Variants in IL5RA observed in about 807,000 individuals in gnomAD.
IL5RA encodes interleukin 5 receptor subunit alpha.
In IL5RA, 49 loss-of-function variants were observed where a neutral mutation model predicts 50.0. The observed-to-expected ratio is 0.98, with a 90% CI of 0.78 to 1.24. The LOEUF (loss-of-function observed/expected upper bound fraction) is 1.24. IL5RA is among the 50% of genes most tolerant of loss of function. The pLI is 0.00. For missense variants in IL5RA, 600 were observed against 500.4 expected (o/e 1.20, Z -1.90); for synonymous variants, 202 against 174.0 (o/e 1.16, Z -1.26).
intron 7 of IL5RA, among the ~76,000 whole-genome samples, chr3:3,095,721 C>G (rs1703330929): frequency 6.6e-6 from 1 of 151,782 alleles, no homozygotes; most frequent in Non-Finnish European, 1.5e-5. Context: ...TTCCCCCCCT[C>G]AGCTCATTGC....
intron 9 of IL5RA, among the ~76,000 whole-genome samples, chr3:3,086,127 G>A (rs1702850904): frequency 6.6e-6 from 1 of 152,180 alleles, no homozygotes; most frequent in Non-Finnish European, 1.5e-5. Context: ...ATTGTAGTCT[G>A]TCACAGAAGA....
intron 9 of IL5RA, among the ~76,000 whole-genome samples, chr3:3,085,093 C>A (rs372270931): frequency 4.6e-5 from 7 of 152,348 alleles, no homozygotes; most frequent in South Asian, 2.1e-4. Flanking sequence ...GTCCGCCCCC[C>A]CTGGTGGGAA....
rs773138961 is a variant in IL5RA at position 3,070,268 on chromosome 3, A to G, written c.1220T>C (p.Ile407Thr). The G allele has an allele frequency of 1.2e-5, 20 of 1,613,490 alleles. No homozygotes were observed. Among genetic ancestry groups the G allele is most frequent in the Middle Eastern group, 3.3e-4 (2 of 6,082 alleles). ...CAGGGTCTCAACTCCAGGCTTCTCTATATAACAGATGACTTCAATTTCCGT... is the reference window on the plus strand; with the variant it reads ...CAGGGTCTCAACTCCAGGCTTCTCTGTATAACAGATGACTTCAATTTCCGT... ...SETEIEVICYIEKPGVETLED... is the reference protein window; with the variant it reads ...SETEIEVICYTEKPGVETLED... The change falls in exon 12 of 12, where the codon ATA (isoleucine) becomes ACA (threonine). Residue 407 changes from isoleucine (I) to threonine (T), a missense_variant. By Grantham distance (89) the Ile-to-Thr change is moderately conservative (BLOSUM62 -1). Coordinates refer to ENST00000446632, the MANE Select transcript of IL5RA (RefSeq NM_175726.4).
chr3:3,083,519 C>T (rs1315100214), intron 9 of IL5RA, among the ~76,000 whole-genome samples: 1 of 152,162 alleles, frequency 6.6e-6, no homozygotes, highest in Non-Finnish European at 1.5e-5. Context: ...GCAATATCCC[C>T]CAGTAGGACT....
At chr3:3,076,447 C>T in intron 10 of IL5RA, 84 bp downstream of exon 10, 1 of 860,844 alleles carries the variant, frequency 1.2e-6, no homozygotes. Flanking sequence ...AATAAGAACC[C>T]TCTGCCTACC....
rs1703167607 is a variant in IL5RA, at chr3:3,092,436, G to A, written c.856-74C>T. Reference sequence around the variant, plus strand: ...GTTCTGCCGATTATCAGAATGGGAGGTCCTATATAGGTCATGTGACTCACT... The same window carrying A: ...GTTCTGCCGATTATCAGAATGGGAGATCCTATATAGGTCATGTGACTCACT... On this transcript the variant is annotated intron_variant, in intron 8 of 11. Transcript: ENST00000446632. This position sits in a 1 kb window ranked among gnomAD's most constrained non-coding sequence, Gnocchi z 4.2. 2 of 1,370,470 alleles carry A rather than the reference G, an allele frequency of 1.5e-6. No homozygotes were observed. Among genetic ancestry groups the A allele is most frequent in the East Asian group, 2.3e-5 (1 of 43,722 alleles). The allele number at this position is 1,370,470 out of a possible 1,614,324, so 84.9% of individuals were successfully genotyped here. A position where few individuals can be genotyped will look rare whatever the true frequency, so the allele number is the denominator to read the frequency against.
chr3:3,072,386 C>T (rs946414146), intron 11 of IL5RA, among the ~76,000 whole-genome samples: 7 of 152,296 alleles, frequency 4.6e-5, no homozygotes, highest in South Asian at 2.1e-4. Context: ...TGTGGAGTGC[C>T]GTCATTCATC....
chr3:3,074,990 G>C lies in IL5RA; in HGVS notation c.1092-124C>G, dbSNP rs928060433. 4.7e-6 allele frequency: 3 copies of C among 645,124 alleles called. No homozygotes were observed. The African/African-American group carries it at 5.5e-5, about 12-fold the overall frequency. 40.0% of individuals were successfully genotyped at this position (645,124 alleles called of 1,614,324 possible). A position where few individuals can be genotyped will look rare whatever the true frequency, so the allele number is the denominator to read the frequency against. On this transcript the variant is annotated intron_variant, in intron 10 of 11. Coordinates refer to ENST00000446632, the MANE Select transcript of IL5RA (RefSeq NM_175726.4). The stretch of plus-strand genomic sequence containing the variant: ...TGTTTTGTAAATTCAAAATCTTTAC[G>C]TACCAAGACTTCCAAAATTATAGGT...
chr3:3,078,744 C>A (rs1296731402), intron 9 of IL5RA, among the ~76,000 whole-genome samples: 1 of 150,224 alleles, frequency 6.7e-6, no homozygotes, highest in Non-Finnish European at 1.5e-5. Flanking sequence ...TGAGGCAGGA[C>A]AATTGCTTGA....
chr3:3,092,111 C>T lies in IL5RA; in HGVS notation c.994+113G>A, dbSNP rs1703141844. 6 of 1,493,454 alleles carry T rather than the reference C, an allele frequency of 4.0e-6. No homozygotes were observed. In the East Asian group the frequency reaches 9.2e-5, roughly 23 times the overall value. The allele number at this position is 1,493,454 out of a possible 1,614,324, so 92.5% of individuals were successfully genotyped here. Reference sequence around the variant, plus strand: ...CAGTAGACCGAGAGAAAATTAGTCACAATAGAGATATGAAACCATTTTAAG... The same window carrying T: ...CAGTAGACCGAGAGAAAATTAGTCATAATAGAGATATGAAACCATTTTAAG... On this transcript the variant is annotated intron_variant, in intron 9 of 11. Coordinates refer to ENST00000446632, the MANE Select transcript of IL5RA (RefSeq NM_175726.4). This position sits in a 1 kb window ranked among gnomAD's most constrained non-coding sequence, Gnocchi z 4.2.
intron 8 of IL5RA, among the ~76,000 whole-genome samples, chr3:3,094,781 G>A (rs1703276287): frequency 6.6e-6 from 1 of 152,044 alleles, no homozygotes; most frequent in East Asian, 1.9e-4. Context: ...GGAGTGCAGT[G>A]GCGCCATCTC....
rs1702165140 is a variant in IL5RA, at chr3:3,067,521, A to G, written c.*2704T>C. ...GGGAGGCCTCCCAGCTGTTAATGGT[A>G]TATTCTACAATGCAGTAGCTCTAAC... On this transcript the variant is annotated 3_prime_UTR_variant, in exon 12 of 12. Coordinates refer to ENST00000446632, the MANE Select transcript of IL5RA (RefSeq NM_175726.4). 1 of 152,252 alleles carries G rather than the reference A, an allele frequency of 6.6e-6. No homozygotes were observed. The highest frequency in any genetic ancestry group is 6.5e-5 in the Admixed American group (1 of 15,278). 9.4% of individuals were successfully genotyped at this position (152,252 alleles called of 1,614,324 possible).
In IL5RA at chr3:3,081,248, G is replaced by C. The variant is rs559319617; in HGVS notation, c.995-4621C>G. Reference sequence around the variant, plus strand: ...TTCTTAGTTAATGTAAAGAGTAGCTGGGACAAACTAATAACAGCAAATCAA... The same window carrying C: ...TTCTTAGTTAATGTAAAGAGTAGCTCGGACAAACTAATAACAGCAAATCAA... On this transcript the variant is annotated intron_variant, in intron 9 of 11. Transcript: ENST00000446632. Among the ~76,000 whole-genome samples the C allele has an allele frequency of 2.6e-5, 4 of 152,224 alleles. No individual in the cohort carries two copies. The East Asian group carries it at 7.7e-4, about 29-fold the overall frequency.
rs1220378480 is a variant in IL5RA at position 3,074,812 on chromosome 3, G to A, written c.1146C>T (p.Ile382=). The A allele has an allele frequency of 6.2e-7, 1 of 1,608,882 alleles. No homozygotes were observed. The highest frequency in any genetic ancestry group is 1.7e-5 in the Admixed American group (1 of 59,988). Reference sequence around the variant, plus strand: ...AGTTAGTGGTTACAAAGAGATCTTTGATATTACTTTTTGGTGCTGGAATTG... The same window carrying A: ...AGTTAGTGGTTACAAAGAGATCTTTAATATTACTTTTTGGTGCTGGAATTG... ...FPPIPAPKSN[I]KDLFVTTNYE... The change falls in exon 11 of 12, where the codon ATC becomes ATT. Residue 382 remains isoleucine (I), a synonymous_variant. Coordinates refer to ENST00000446632, the MANE Select transcript of IL5RA (RefSeq NM_175726.4).
intron 9 of IL5RA, among the ~76,000 whole-genome samples, chr3:3,077,864 A>C (rs756287077): frequency 3.9e-5 from 6 of 152,226 alleles, no homozygotes; most frequent in Non-Finnish European, 8.8e-5. Flanking sequence ...GCCGGATTGA[A>C]TAATGTAAAT....
chr3:3,095,414 G>T lies in IL5RA; in HGVS notation c.740C>A (p.Ala247Glu). 6.2e-7 allele frequency: 1 copy of T among 1,611,994 alleles called. No homozygotes were observed. The highest frequency in any genetic ancestry group is 8.5e-7 in the Non-Finnish European group (1 of 1,178,906). The change falls in exon 8 of 12, where the codon GCA becomes GAA. Residue 247 changes from alanine (A) to glutamate (E), a missense_variant. By Grantham distance (107) the Ala-to-Glu change is moderately radical (BLOSUM62 -1). Transcript: ENST00000446632. ...DQINPPLNVT[A>E]EIEGTRLSIQ... is the part of the protein sequence containing the mutation. The stretch of plus-strand genomic sequence containing the variant: ...AGAGAGACGAGTTCCTTCAATCTCT[G>T]CTGTGACATTCAGTGGAGGATTTAT...
Position 3,103,917 on chromosome 3 carries a change from C to G in IL5RA, c.82+986G>C, listed in dbSNP as rs377438172. Among the ~76,000 whole-genome samples, 146 of 152,272 alleles carry G rather than the reference C, an allele frequency of 9.6e-4. 1 individual carries two copies. The highest frequency in any genetic ancestry group is 3.5e-3 in the African/African-American group (144 of 41,552). ...AAGTTATCAGGATTTATCCATTGACCTTAACGGACTTCCACACCTCTACAT... is the reference window on the plus strand; with the variant it reads ...AAGTTATCAGGATTTATCCATTGACGTTAACGGACTTCCACACCTCTACAT... On this transcript the variant is annotated intron_variant, in intron 3 of 11. Coordinates refer to ENST00000446632, the MANE Select transcript of IL5RA (RefSeq NM_175726.4).
chr3:3,086,656 G>A (rs1286982335), intron 9 of IL5RA, among the ~76,000 whole-genome samples: 2 of 148,942 alleles, frequency 1.3e-5, no homozygotes, highest in Non-Finnish European at 2.9e-5. Flanking sequence ...AACATAGTGA[G>A]ACCCCTCATC....
In IL5RA at chr3:3,079,927, G is replaced by C. The variant is rs1477774485; in HGVS notation, c.995-3300C>G. Among the ~76,000 whole-genome samples the C allele has an allele frequency of 3.3e-5, 5 of 152,064 alleles. No homozygotes were observed. In the East Asian group the frequency reaches 9.7e-4, roughly 29 times the overall value. ...CGCATGGCTGTCATCCCAGCTACTAGGGAGGCTGAGGCAGGAGGATCCCTT... is the reference window on the plus strand; with the variant it reads ...CGCATGGCTGTCATCCCAGCTACTACGGAGGCTGAGGCAGGAGGATCCCTT... On this transcript the variant is annotated intron_variant, in intron 9 of 11. Coordinates refer to ENST00000446632, the MANE Select transcript of IL5RA (RefSeq NM_175726.4).
Sources: gnomAD v4.1 joint callset for allele counts (sites outside exome capture counted in the v4.1 genomes callset) on GRCh38, gnomAD v4.1.1 for gene constraint, Gnocchi (gnomAD v3.1) non-coding constraint, MANE v1.5 for transcripts, NCBI Gene and HGNC (gene_info 2026-07-23, HGNC 2026-07-21) for gene names.